TG: variants seen among roughly 807,000 people sequenced by gnomAD.
The protein encoded by TG is thyroid hormones.
In TG, 270 loss-of-function variants were observed where a neutral mutation model predicts 324.7. The observed-to-expected ratio is 0.83, with a 90% confidence interval of 0.75 to 0.92. The LOEUF is 0.92. TG is among the 40% of genes least tolerant of loss of function. The pLI is 0.00. For synonymous variants in TG, 1,401 were observed against 1,327.0 expected (o/e 1.06, Z -1.21); for missense variants, 3,591 against 3,456.4 (o/e 1.04, Z -0.98).
chr8:133,009,250 C>T (rs1295941809), intron 35 of TG, among the ~76,000 whole-genome samples: 1 of 152,186 alleles, frequency 6.6e-6, no homozygotes, highest in Admixed American at 6.5e-5. Flanking sequence ...TTCTCACCCT[C>T]TAAAAATATG....
chr8:132,946,717 T>C (rs1825361218), intron 26 of TG, among the ~76,000 whole-genome samples: 1 of 152,154 alleles, frequency 6.6e-6, no homozygotes, highest in South Asian at 2.1e-4. Flanking sequence ...AACTACATTT[T>C]AGTGGAGACT....
intron 35 of TG, among the ~76,000 whole-genome samples, chr8:132,998,211 G>A (rs1833064887): frequency 6.6e-6 from 1 of 151,950 alleles, no homozygotes; most frequent in South Asian, 2.1e-4. Context: ...TGAGGGGGAA[G>A]GAAGCTGAAG....
intron 35 of TG, chr8:132,988,725 C>A: frequency 1.0e-6 from 1 of 985,418 alleles, no homozygotes; most frequent in Non-Finnish European, 1.2e-6. Flanking sequence ...CCAACCAAGC[C>A]AGCAAGGCTG....
At chr8:132,925,552 T>TGTGTGTGTGTG (rs60544202) in intron 22 of TG, among the ~76,000 whole-genome samples, 14 of 151,470 alleles carry the variant, frequency 9.2e-5, no homozygotes, top group Middle Eastern at 3.4e-3. Flanking sequence ...TGTGTGTGTG[T>TGTGTGTGTGTG]TCTTGAATAA....
At chr8:133,024,872 A>C (rs550541102) in intron 40 of TG, among the ~76,000 whole-genome samples, 13 of 151,304 alleles carry the variant, frequency 8.6e-5, no homozygotes, top group African/African-American at 3.2e-4. Context: ...AATAAACATA[A>C]GTGTGCATGT....
At chr8:132,933,345 T>A (rs1420806229) in intron 23 of TG, among the ~76,000 whole-genome samples, 1 of 151,226 alleles carries the variant, frequency 6.6e-6, no homozygotes, top group Non-Finnish European at 1.5e-5. Flanking sequence ...TATATTTGTG[T>A]GTCTTTGTGT....
intron 41 of TG, among the ~76,000 whole-genome samples, chr8:133,065,490 G>A (rs1017794643): frequency 5.9e-5 from 9 of 152,288 alleles, no homozygotes; most frequent in Admixed American, 2.6e-4. Flanking sequence ...GGCCGGGCGC[G>A]GTGGCTCACA....
At chr8:133,084,131 A>G (rs1445611430) in intron 41 of TG, among the ~76,000 whole-genome samples, 3 of 152,114 alleles carry the variant, frequency 2.0e-5, no homozygotes, top group Admixed American at 6.5e-5. Context: ...GAGCTGGCCC[A>G]TGGCATTTAC....
In TG at chr8:133,067,813, G is replaced by GA. The variant is rs1564145176; in HGVS notation, c.7240-27229dup. 6.0e-3 allele frequency among the ~76,000 whole-genome samples: 738 copies of GA among 122,786 alleles called. 13 individuals are homozygous for GA. Among genetic ancestry groups the GA allele is most frequent in the African/African-American group, 0.019 (698 of 36,500 alleles). 80.6% of individuals were successfully genotyped at this position (122,786 alleles called of 152,430 possible). A position where few individuals can be genotyped will look rare whatever the true frequency, so the allele number is the denominator to read the frequency against. ...AAGAAAAAGAAAGAAAGAAAGAAAG[G>GA]AAGGAAGGAAGGGGGAGAGAGAGAG... On this transcript the variant is annotated intron_variant, in intron 41 of 47. Transcript: ENST00000220616.
intron 41 of TG, among the ~76,000 whole-genome samples, chr8:133,069,220 A>G (rs1431887991): frequency 6.6e-6 from 1 of 152,256 alleles, no homozygotes; most frequent in Non-Finnish European, 1.5e-5. Context: ...TCTTTATTGC[A>G]TCGTATTTCC....
chr8:132,906,524 A>G lies in TG; in HGVS notation c.3635-164A>G, dbSNP rs1810396. On this transcript the variant is annotated intron_variant, in intron 16 of 47. Coordinates refer to ENST00000220616, the MANE Select transcript of TG (RefSeq NM_003235.5). ...TCCAAGTAGAGGGCAGGGCAGAGAGAAAGGGGAGCAGGCCCAGGCCAGGCC... is the reference window on the plus strand; with the variant it reads ...TCCAAGTAGAGGGCAGGGCAGAGAGGAAGGGGAGCAGGCCCAGGCCAGGCC... Among the ~76,000 whole-genome samples the G allele has an allele frequency of 0.76, 115,479 of 151,968 alleles. 44,317 individuals are homozygous for G. Among genetic ancestry groups the G allele is most frequent in the African/African-American group, 0.86 (35,597 of 41,464 alleles).
At chr8:132,880,666 C>T (rs1044931367) in intron 5 of TG, among the ~76,000 whole-genome samples, 2 of 152,206 alleles carry the variant, frequency 1.3e-5, no homozygotes, top group African/African-American at 4.8e-5. Flanking sequence ...TAGTTATTAA[C>T]TTGAATGGAA....
intron 29 of TG, among the ~76,000 whole-genome samples, chr8:132,963,866 G>A (rs1472170979): frequency 1.3e-5 from 2 of 152,104 alleles, no homozygotes; most frequent in Non-Finnish European, 2.9e-5. Flanking sequence ...ACTAGAGCTC[G>A]AACCATGTTT....
Position 132,887,170 on chromosome 8 carries a change from G to A in TG, c.1798G>A (p.Glu600Lys). 6.2e-7 allele frequency: 1 copy of A among 1,614,108 alleles called. No individual in the cohort carries two copies. The highest frequency in any genetic ancestry group is 8.5e-7 in the Non-Finnish European group (1 of 1,179,972). ...DVARDLGDVM[E>K]TVLSSQTCEQ... ...GGCAAGAGATTTAGGTGATGTGATG[G>A]AAACGGTACTCAGCTCCCAGACCTG... Residue 600 changes from glutamate to lysine, a missense_variant, in exon 9 of 48, where the codon GAA (glutamate) becomes AAA (lysine). Physicochemically the swap from Glu to Lys is moderately conservative, Grantham distance 56. Transcript: ENST00000220616.
At chr8:132,960,767 C>T (rs1052617894) in intron 27 of TG, among the ~76,000 whole-genome samples, 9 of 152,160 alleles carry the variant, frequency 5.9e-5, no homozygotes, top group Non-Finnish European at 8.8e-5. Context: ...AGGTTCACAA[C>T]CCCTCATGGA....
chr8:133,062,458 C>T (rs540193946), intron 41 of TG, among the ~76,000 whole-genome samples: 11 of 152,386 alleles, frequency 7.2e-5, no homozygotes, highest in African/African-American at 2.6e-4. Context: ...TCAGCAGACA[C>T]TTCCTGGGCA....
At chr8:133,075,595 C>T (rs1362533853) in intron 41 of TG, among the ~76,000 whole-genome samples, 2 of 152,210 alleles carry the variant, frequency 1.3e-5, no homozygotes, top group Non-Finnish European at 2.9e-5. Context: ...TCTTAGGGGA[C>T]ATGCGGTGAC....
intron 20 of TG, among the ~76,000 whole-genome samples, chr8:132,917,889 A>ATATTTTTTTTTT (rs528246451): frequency 1.8e-4 from 25 of 138,810 alleles, no homozygotes; most frequent in Non-Finnish European, 3.2e-4. Context: ...GGTTTTTGCA[A>ATATTTTTTTTTT]TTTTTTTTTT....
chr8:133,061,032 G>A (rs1460571157), intron 41 of TG, among the ~76,000 whole-genome samples: 2 of 152,118 alleles, frequency 1.3e-5, no homozygotes, highest in Non-Finnish European at 2.9e-5. Flanking sequence ...GTTTTTTTGA[G>A]ACGCAGTCTC....
Sources: allele counts gnomAD v4.1 joint callset (sites outside exome capture counted in the v4.1 genomes callset), GRCh38; gene constraint gnomAD v4.1.1; transcripts MANE v1.5; gene names NCBI Gene and HGNC (gene_info 2026-07-23, HGNC 2026-07-21).